SERF2: variants seen among roughly 807,000 people sequenced by gnomAD.
SERF2 encodes the protein small EDRK-rich factor 2, also known as gastric cancer-related protein VRG107.
Under a neutral mutation model 10.7 loss-of-function variants are expected in SERF2, and 4 were observed. The ratio of observed to expected loss-of-function variants is 0.37; its 90% CI spans 0.18 to 0.86. The LOEUF (loss-of-function observed/expected upper bound fraction) is 0.86. Among genes scored for constraint, SERF2 ranks in the 40% least tolerant of loss-of-function variants. The pLI is 0.43. For missense variants in SERF2, 47 were observed against 79.1 expected (o/e 0.59, Z 1.54); for synonymous variants, 26 against 26.0 (o/e 1.00, Z 0.01).
At position 43,794,079 on chromosome 15, in the gene SERF2, G is replaced by A; in HGVS notation, c.*306G>A. ...GCCTGGTTTGACTGGGGACTTGGGG[G>A]GATGGGGTTGGAAGAATGACTGCCC... On this transcript the variant is annotated 3_prime_UTR_variant, in exon 3 of 3. Coordinates refer to ENST00000249786, the MANE Select transcript of SERF2 (RefSeq NM_001018108.4). The A allele has an allele frequency of 9.0e-7, 1 of 1,115,882 alleles. No individual in the cohort carries two copies. Among genetic ancestry groups the A allele is most frequent in the Non-Finnish European group, 1.2e-6 (1 of 811,060 alleles). The allele number at this position is 1,115,882 out of a possible 1,614,324, so 69.1% of individuals were successfully genotyped here.
At chr15:43,777,344 T>C (rs1161059280) in exon 1 of SERF2, 3 of 332,556 alleles carry the variant, frequency 9.0e-6, no homozygotes. Context: ...AGAAAGGGCC[T>C]GGTTGGTAGG....
intron 1 of SERF2, among the ~76,000 whole-genome samples, chr15:43,777,744 C>T (rs1372024259): frequency 6.6e-6 from 1 of 152,108 alleles, no homozygotes; most frequent in Non-Finnish European, 1.5e-5. Flanking sequence ...AGGGCCAGAT[C>T]CTGGTGCACT....
chr15:43,795,642 T>C lies in SERF2; in HGVS notation c.*1869T>C, dbSNP rs769363902. 5 of 1,610,426 alleles carry C rather than the reference T, an allele frequency of 3.1e-6. No homozygotes were observed. The highest frequency in any genetic ancestry group is 2.2e-5 in the East Asian group (1 of 44,698). On this transcript the variant is annotated 3_prime_UTR_variant, in exon 3 of 3. Transcript: ENST00000249786. ...AGGCTCTTGAGGGTTCTTATGGCAC[T>C]CCACAGAGATCTACCACTTCTTATG...
At chr15:43,782,493 C>G (rs11638972) in intron 1 of SERF2, among the ~76,000 whole-genome samples, 88,325 of 152,004 alleles carry the variant, frequency 0.58, 29,379 homozygotes, top group Non-Finnish European at 0.73. Flanking sequence ...TAACTCTCCT[C>G]TTAGTATAAC....
upstream of SERF2, among the ~76,000 whole-genome samples, chr15:43,787,849 C>T (rs2087020396): frequency 6.6e-6 from 1 of 151,498 alleles, no homozygotes; most frequent in Non-Finnish European, 1.5e-5. Context: ...TAGGCACACA[C>T]CACCACACCT....
rs1314136455 is a variant in SERF2, at chr15:43,795,245, T to G, written c.*1472T>G. The G allele has an allele frequency of 6.2e-7, 1 of 1,608,514 alleles. No individual in the cohort carries two copies. Among genetic ancestry groups the G allele is most frequent in the Non-Finnish European group, 8.5e-7 (1 of 1,174,978 alleles). On this transcript the variant is annotated 3_prime_UTR_variant, in exon 3 of 3. Transcript: ENST00000249786. Reference sequence around the variant, plus strand: ...AACCAAAGGCTCTGGTTAGAGAATATGAAGGGCCTTAGCTTTTAGACCTGT... The same window carrying G: ...AACCAAAGGCTCTGGTTAGAGAATAGGAAGGGCCTTAGCTTTTAGACCTGT...
At position 43,792,958 on chromosome 15, in the gene SERF2, T is replaced by C. The variant is rs748142375; in HGVS notation, c.8-17T>C. 1.3e-6 allele frequency: 2 copies of C among 1,582,912 alleles called. No individual in the cohort carries two copies. The highest frequency in any genetic ancestry group is 8.6e-7 in the Non-Finnish European group (1 of 1,158,962). ...CAGAGCGGCCCCCGCGTCTCACCTT[T>C]AATTTTCTTTCCTTAGGCGGTAACC... On this transcript the variant is annotated splice_polypyrimidine_tract_variant and intron_variant, in intron 1 of 2. Coordinates refer to ENST00000249786, the MANE Select transcript of SERF2 (RefSeq NM_001018108.4).
chr15:43,789,444 C>T (rs949830350), upstream of SERF2, among the ~76,000 whole-genome samples: 1 of 152,172 alleles, frequency 6.6e-6, no homozygotes, highest in African/African-American at 2.4e-5. Context: ...GCTAATTTCT[C>T]ATCTTTTTGC....
At chr15:43,782,106 C>A (rs922186245) in intron 1 of SERF2, among the ~76,000 whole-genome samples, 2 of 152,102 alleles carry the variant, frequency 1.3e-5, no homozygotes, top group African/African-American at 4.8e-5. Context: ...CCAGGCTGGT[C>A]TTGAACTCCT....
At chr15:43,792,646 A>G in intron 1 of SERF2, 1 of 1,390,354 alleles carries the variant, frequency 7.2e-7, no homozygotes, top group Middle Eastern at 2.4e-4. Context: ...TGATAGGCCC[A>G]GAGCCCCCAC....
At position 43,794,797 on chromosome 15, in the gene SERF2, G is replaced by T. The variant is rs1202906379; in HGVS notation, c.*1024G>T. 2.6e-5 allele frequency: 14 copies of T among 546,000 alleles called. 1 individual carries two copies. The highest frequency in any genetic ancestry group is 3.9e-5 in the Non-Finnish European group (12 of 306,816). 33.8% of individuals were successfully genotyped at this position (546,000 alleles called of 1,614,324 possible). A position where few individuals can be genotyped will look rare whatever the true frequency, so the allele number is the denominator to read the frequency against. On this transcript the variant is annotated 3_prime_UTR_variant, in exon 3 of 3. Coordinates refer to ENST00000249786, the MANE Select transcript of SERF2 (RefSeq NM_001018108.4). Reference sequence around the variant, plus strand: ...TAGGCTCTTGAGCTGGGATGCAGATGTAACAGTAGCTCCAGTGAGTCAGAC... The same window carrying T: ...TAGGCTCTTGAGCTGGGATGCAGATTTAACAGTAGCTCCAGTGAGTCAGAC...
intron 1 of SERF2, chr15:43,792,596 C>G: frequency 6.9e-7 from 1 of 1,443,990 alleles, no homozygotes. Context: ...ATAGGCCCTC[C>G]CGGATCTTCC....
chr15:43,795,768 C>T lies in SERF2; in HGVS notation c.*1995C>T. 6.2e-7 allele frequency: 1 copy of T among 1,607,424 alleles called. No homozygotes were observed. The highest frequency in any genetic ancestry group is 2.2e-5 in the East Asian group (1 of 44,766). On this transcript the variant is annotated 3_prime_UTR_variant, in exon 3 of 3. Transcript: ENST00000249786. Reference sequence around the variant, plus strand: ...AACAGAACGCAGGTTTTGGAATGGTCTTAAAAGATGTGAGGGTGTTAATCT... The same window carrying T: ...AACAGAACGCAGGTTTTGGAATGGTTTTAAAAGATGTGAGGGTGTTAATCT...
At chr15:43,792,436 A>G (rs1485926734) in intron 1 of SERF2, 53 bp downstream of exon 1, 7 of 1,613,452 alleles carry the variant, frequency 4.3e-6, no homozygotes, top group Non-Finnish European at 5.9e-6. Context: ...CACCCTAAAC[A>G]CCACCGGCGA....
chr15:43,790,141 CAA>C (rs1181656395), upstream of SERF2, among the ~76,000 whole-genome samples: 46 of 105,006 alleles, frequency 4.4e-4, no homozygotes, highest in Admixed American at 5.1e-4. Flanking sequence ...GACTCCATCT[CAA>C]AAAAAAAAAA....
chr15:43,794,651 G>A lies in SERF2; in HGVS notation c.*878G>A, dbSNP rs1012960891. 1.3e-5 allele frequency: 3 copies of A among 227,842 alleles called. 1 individual carries two copies. Among genetic ancestry groups the A allele is most frequent in the Non-Finnish European group, 2.6e-5 (3 of 114,472 alleles). 14.1% of individuals were successfully genotyped at this position (227,842 alleles called of 1,614,324 possible). A position where few individuals can be genotyped will look rare whatever the true frequency, so the allele number is the denominator to read the frequency against. On this transcript the variant is annotated 3_prime_UTR_variant, in exon 3 of 3. Coordinates refer to ENST00000249786, the MANE Select transcript of SERF2 (RefSeq NM_001018108.4). ...TTTTCCTTTCTCCAAGGGCAGAGCCGAGTCTTCAGTCCCTGTTGGTCTTTC... is the reference window on the plus strand; with the variant it reads ...TTTTCCTTTCTCCAAGGGCAGAGCCAAGTCTTCAGTCCCTGTTGGTCTTTC...
rs186370770 is a variant in SERF2 at position 43,782,985 on chromosome 15, C to T, written c.-526-2425C>T. Among the ~76,000 whole-genome samples the T allele has an allele frequency of 1.8e-3, 267 of 146,402 alleles. 2 individuals carry two copies. The highest frequency in any genetic ancestry group is 6.4e-3 in the African/African-American group (249 of 39,036). ...TCAGCCTCCTGAGTAGCTGGGATTACAGGCACGCACCACCACACCTGGCTT... is the reference window on the plus strand; with the variant it reads ...TCAGCCTCCTGAGTAGCTGGGATTATAGGCACGCACCACCACACCTGGCTT... On this transcript the variant is annotated intron_variant, in intron 1 of 4. Coordinates refer to the SERF2 transcript ENST00000381359.
chr15:43,783,826 A>G (rs1362341119), intron 1 of SERF2, among the ~76,000 whole-genome samples: 1 of 145,490 alleles, frequency 6.9e-6, no homozygotes, highest in Non-Finnish European at 1.5e-5. Flanking sequence ...TGGTGACGTG[A>G]TCTTGGCTCA....
upstream of SERF2, among the ~76,000 whole-genome samples, chr15:43,790,274 C>T (rs915685509): frequency 6.6e-6 from 1 of 151,674 alleles, no homozygotes; most frequent in Non-Finnish European, 1.5e-5. Context: ...CATACCACTC[C>T]AGCCTCCAGC....
Sources: gnomAD v4.1 joint callset for allele counts (sites outside exome capture counted in the v4.1 genomes callset) on GRCh38, gnomAD v4.1.1 for gene constraint, MANE v1.5 for transcripts, NCBI Gene and HGNC (gene_info 2026-07-23, HGNC 2026-07-21) for gene names.